CPLX1: variants seen among roughly 807,000 people sequenced by gnomAD.
CPLX1 encodes complexin 1.
In CPLX1, 6 loss-of-function variants were observed where a neutral mutation model predicts 15.6. That is an observed-to-expected ratio of 0.39 (90% CI 0.21 to 0.76). The LOEUF (loss-of-function observed/expected upper bound fraction) is 0.76, where lower values mean the gene tolerates loss of function less well. CPLX1 is among the 30% of genes least tolerant of loss of function. CPLX1 has a pLI of 0.43. For missense variants in CPLX1, 242 were observed against 188.6 expected, an observed-to-expected ratio of 1.28 and a Z score of -1.66; for synonymous variants, 91 against 75.2, an observed-to-expected ratio of 1.21 and a Z score of -1.08.
At chr4:787,419 G>A in intron 3 of CPLX1, 10 of 971,454 alleles carry the variant, frequency 1.0e-5, no homozygotes, top group Non-Finnish European at 1.2e-5. Context: ...ATATTGCCTG[G>A]AGCTTCAAAG....
At chr4:799,167 A>G (rs1406971335) in intron 2 of CPLX1, among the ~76,000 whole-genome samples, 1 of 152,148 alleles carries the variant, frequency 6.6e-6, no homozygotes, top group African/African-American at 2.4e-5. Flanking sequence ...CCTGTTGGTG[A>G]GTCATAAGCC....
rs762022485 is a variant in CPLX1 at position 824,608 on chromosome 4, G to C, written c.-79-7C>G. ...CCGGGAGCGAGTGTTCTTCCTGGGG[G>C]AGAGTGAAGTGGTCACAGGTCACCC... On this transcript the variant is annotated splice_polypyrimidine_tract_variant and splice_region_variant and intron_variant, in intron 1 of 3. Transcript: ENST00000304062. 4.1e-6 allele frequency: 6 copies of C among 1,458,796 alleles called. No homozygotes were observed. In the South Asian group the frequency reaches 5.7e-5, roughly 14 times the overall value. 90.4% of individuals were successfully genotyped at this position (1,458,796 alleles called of 1,614,324 possible). A position where few individuals can be genotyped will look rare whatever the true frequency, so the allele number is the denominator to read the frequency against.
At position 804,901 on chromosome 4, in the gene CPLX1, G is replaced by A. The variant is rs1031164102; in HGVS notation, c.32-12293C>T. 35 of 985,398 alleles carry A rather than the reference G, an allele frequency of 3.6e-5. 1 individual carries two copies. Among genetic ancestry groups the A allele is most frequent in the South Asian group, 4.7e-5 (1 of 21,298 alleles). The allele number at this position is 985,398 out of a possible 1,614,324, so 61.0% of individuals were successfully genotyped here. A position where few individuals can be genotyped will look rare whatever the true frequency, so the allele number is the denominator to read the frequency against. ...CAGCCATTTTGGAACGCAGGCGGCA[G>A]CCATTTTGGAACGCAGTGCGTCGCC... On this transcript the variant is annotated intron_variant, in intron 2 of 3. Transcript: ENST00000304062.
chr4:808,179 G>T (rs112702711), intron 2 of CPLX1, among the ~76,000 whole-genome samples: 9 of 152,290 alleles, frequency 5.9e-5, no homozygotes, highest in African/African-American at 2.2e-4. Flanking sequence ...TGAGGCGAGA[G>T]AATTTCTTGA....
chr4:821,104 G>A (rs1746853984), intron 2 of CPLX1, among the ~76,000 whole-genome samples: 1 of 152,198 alleles, frequency 6.6e-6, no homozygotes, highest in African/African-American at 2.4e-5. Context: ...GAACCCAACA[G>A]CGTACCACTC....
intron 3 of CPLX1, chr4:787,879 G>A (rs1371885272): frequency 3.0e-6 from 3 of 985,312 alleles, no homozygotes; most frequent in Non-Finnish European, 3.6e-6. Context: ...GGGAACCAGT[G>A]GGGTTGGGCT....
intron 1 of CPLX1, among the ~76,000 whole-genome samples, chr4:825,819 G>A (rs1294122887): frequency 6.8e-6 from 1 of 147,850 alleles, no homozygotes; most frequent in Non-Finnish European, 1.5e-5. Flanking sequence ...GGAGAGGCCG[G>A]AGCCGGGGGG....
At chr4:801,064 C>T (rs1418005627) in intron 2 of CPLX1, among the ~76,000 whole-genome samples, 1 of 151,430 alleles carries the variant, frequency 6.6e-6, no homozygotes, top group Non-Finnish European at 1.5e-5. Context: ...CCTGTAATCC[C>T]AGCACTTTGG....
At chr4:798,012 C>T (rs1387355753) in intron 2 of CPLX1, among the ~76,000 whole-genome samples, 4 of 152,112 alleles carry the variant, frequency 2.6e-5, no homozygotes, top group African/African-American at 4.8e-5. Flanking sequence ...CAGTGGCTCA[C>T]GCCTGTAATT....
Sources: allele counts gnomAD v4.1 joint callset (sites outside exome capture counted in the v4.1 genomes callset), GRCh38; gene constraint gnomAD v4.1.1; transcripts MANE v1.5; gene names NCBI Gene and HGNC (gene_info 2026-07-23, HGNC 2026-07-21).